Variants in DGKD observed in about 807,000 individuals in gnomAD.
DGKD encodes the protein diacylglycerol kinase delta, also known as DAG kinase delta.
A neutral mutation model predicts 154.4 loss-of-function variants in DGKD; 68 were observed. That is an observed-to-expected ratio of 0.44 (90% CI 0.36 to 0.54). The LOEUF (loss-of-function observed/expected upper bound fraction) is 0.54, where lower values mean the gene tolerates loss of function less well. Ranked by LOEUF, DGKD falls within the 20% of genes least tolerant of loss-of-function variation. The pLI is 0.00. For missense variants in DGKD, 1,343 were observed against 1,593.6 expected (o/e 0.84, Z 2.68); for synonymous variants, 693 against 638.0 (o/e 1.09, Z -1.30).
chr2:233,385,640 C>T (rs1703131864), intron 1 of DGKD, among the ~76,000 whole-genome samples: 1 of 152,176 alleles, frequency 6.6e-6, no homozygotes, highest in African/African-American at 2.4e-5. Flanking sequence ...AAGGAGAGGC[C>T]TCGTCAGCCT....
At chr2:233,390,835 G>T (rs928408567) in intron 3 of DGKD, among the ~76,000 whole-genome samples, 13 of 152,204 alleles carry the variant, frequency 8.5e-5, no homozygotes, top group African/African-American at 3.1e-4. Context: ...CCGAGTTCAA[G>T]CGATTCTCCT....
At chr2:233,368,473 C>T (rs1419039090) in intron 1 of DGKD, among the ~76,000 whole-genome samples, 3 of 152,148 alleles carry the variant, frequency 2.0e-5, no homozygotes, top group Admixed American at 1.3e-4. Context: ...GATCACACCA[C>T]TGCACTCCAG....
rs935872729 is a variant in DGKD at position 233,464,094 on chromosome 2, C to T, written c.3187-70C>T. The T allele has an allele frequency of 3.1e-6, 5 of 1,596,928 alleles. No individual in the cohort carries two copies. In the African/African-American group the frequency reaches 5.4e-5, roughly 17 times the overall value. On this transcript the variant is annotated intron_variant, in intron 26 of 29. Transcript: ENST00000264057. Reference sequence around the variant, plus strand: ...AGCAGAGCCCTGGAGCGGACCTCACCCCCCTGGGCCTCGCGCTGATCAGCA... The same window carrying T: ...AGCAGAGCCCTGGAGCGGACCTCACTCCCCTGGGCCTCGCGCTGATCAGCA...
chr2:233,363,342 TAA>T (rs889007431), intron 1 of DGKD, among the ~76,000 whole-genome samples: 29 of 152,026 alleles, frequency 1.9e-4, no homozygotes, highest in African/African-American at 6.5e-4. Flanking sequence ...GTAAAATAAT[TAA>T]AAAAATTAAA....
chr2:233,394,806 CAA>C (rs1703901784), intron 3 of DGKD, among the ~76,000 whole-genome samples: 1 of 139,330 alleles, frequency 7.2e-6, no homozygotes, highest in African/African-American at 2.6e-5. Context: ...CTCCTGGTCT[CAA>C]GAGATCTTCC....
intron 3 of DGKD, among the ~76,000 whole-genome samples, chr2:233,422,710 G>A (rs2062160387): frequency 1.3e-5 from 2 of 152,172 alleles, no homozygotes. Flanking sequence ...GGTTTTCCCA[G>A]TTTAAACTTA....
chr2:233,465,012 C>T (rs3768800), intron 27 of DGKD, among the ~76,000 whole-genome samples: 1 of 152,198 alleles, frequency 6.6e-6, no homozygotes, highest in South Asian at 2.1e-4. Flanking sequence ...AGCAGTAAGG[C>T]GAGGGGACAG....
intron 9 of DGKD, among the ~76,000 whole-genome samples, chr2:233,439,727 A>G (rs1346577896): frequency 6.6e-6 from 1 of 151,680 alleles, no homozygotes; most frequent in African/African-American, 2.4e-5. Context: ...ATGCCCAGCT[A>G]ATTTTTTTTT....
At chr2:233,435,789 T>C (rs567740386) in intron 5 of DGKD, 29 bp from the exon 6 acceptor site, 1 of 1,601,378 alleles carries the variant, frequency 6.2e-7, no homozygotes, top group South Asian at 1.1e-5. Context: ...AGACACAGCT[T>C]GTAGGCTCAT....
intron 1 of DGKD, among the ~76,000 whole-genome samples, chr2:233,384,060 A>C (rs1703038366): frequency 1.3e-5 from 2 of 152,176 alleles, no homozygotes; most frequent in South Asian, 4.1e-4. Flanking sequence ...AACAGTATGT[A>C]CAGTATGGAT....
chr2:233,469,352 G>T lies in DGKD; in HGVS notation c.3556-19G>T. On this transcript the variant is annotated intron_variant, in intron 29 of 29. Coordinates refer to ENST00000264057, the MANE Select transcript of DGKD (RefSeq NM_152879.3). ...TGGCTGTCTTCTCGGCATCCATGGC[G>T]GTGTCTTCTCTGTTGCAGGACCTGG... The T allele has an allele frequency of 6.2e-7, 1 of 1,600,506 alleles. No homozygotes were observed. The highest frequency in any genetic ancestry group is 8.5e-7 in the Non-Finnish European group (1 of 1,173,026).
intron 3 of DGKD, chr2:233,429,429 A>G: frequency 7.6e-6 from 5 of 659,522 alleles, no homozygotes; most frequent in Non-Finnish European, 9.4e-6. Context: ...GGTGCCGATG[A>G]CATGCACCCA....
intron 16 of DGKD, among the ~76,000 whole-genome samples, chr2:233,450,613 C>T (rs1349674646): frequency 6.6e-6 from 1 of 152,204 alleles, no homozygotes; most frequent in Non-Finnish European, 1.5e-5. Flanking sequence ...ATGGCCACTG[C>T]ATGGCCACCA....
chr2:233,410,653 A>G (rs929438379), intron 3 of DGKD, among the ~76,000 whole-genome samples: 16 of 152,234 alleles, frequency 1.1e-4, no homozygotes, highest in African/African-American at 3.4e-4. Context: ...TATTCAGAGA[A>G]AGGTTCATAG....
chr2:233,455,286 G>A (rs1051630148), intron 19 of DGKD, among the ~76,000 whole-genome samples: 23 of 152,238 alleles, frequency 1.5e-4, no homozygotes, highest in Admixed American at 5.2e-4. Context: ...ACCCGAGCCT[G>A]CCCACAAGGC....
intron 1 of DGKD, among the ~76,000 whole-genome samples, chr2:233,359,284 G>T (rs1334863895): frequency 6.6e-6 from 1 of 152,168 alleles, no homozygotes; most frequent in Non-Finnish European, 1.5e-5. Context: ...TGGGTTGGTT[G>T]TAGTGAAAGT....
intron 3 of DGKD, among the ~76,000 whole-genome samples, chr2:233,403,044 G>A (rs1356036606): frequency 2.0e-5 from 3 of 152,094 alleles, no homozygotes; most frequent in African/African-American, 2.4e-5. Flanking sequence ...TCTGAGGAGC[G>A]GCATGAGAGC....
chr2:233,442,301 T>C (rs936132034), intron 10 of DGKD: 14 of 491,880 alleles, frequency 2.8e-5, no homozygotes, highest in African/African-American at 2.7e-4. Flanking sequence ...GTTGCTTTAC[T>C]GGGTAATTTT....
intron 1 of DGKD, among the ~76,000 whole-genome samples, chr2:233,384,626 C>G (rs1209121941): frequency 6.6e-6 from 1 of 152,134 alleles, no homozygotes; most frequent in Non-Finnish European, 1.5e-5. Context: ...TCCCCTTCGC[C>G]TCGGTCGATT....
Sources: gnomAD v4.1 joint callset for allele counts (sites outside exome capture counted in the v4.1 genomes callset) on GRCh38, gnomAD v4.1.1 for gene constraint, MANE v1.5 for transcripts, NCBI Gene and HGNC (gene_info 2026-07-23, HGNC 2026-07-21) for gene names.